Variants in KCNQ5 observed in about 807,000 individuals in gnomAD.
KCNQ5 encodes potassium voltage-gated channel subfamily KQT member 5.
Under a neutral mutation model 98.2 loss-of-function variants are expected in KCNQ5, and 30 were observed. The observed-to-expected ratio is 0.31, with a 90% CI of 0.23 to 0.41. The LOEUF is 0.41. KCNQ5 is among the 10% of genes least tolerant of loss of function. The probability of loss-of-function intolerance (pLI) is 1.00; values close to 1 mark genes in which losing one functional copy is unlikely to be tolerated. For missense variants in KCNQ5, 835 were observed against 1,182.5 expected (o/e 0.71, Z 4.31); for synonymous variants, 458 against 449.4 (o/e 1.02, Z -0.24).
chr6:72,931,818 G>C (rs745860645), intron 1 of KCNQ5, among the ~76,000 whole-genome samples: 1 of 152,132 alleles, frequency 6.6e-6, no homozygotes, highest in Non-Finnish European at 1.5e-5. Flanking sequence ...ATTGGAGGAC[G>C]ATTCTCTGGA....
rs1490574330 is a variant in KCNQ5 at position 73,198,658 on chromosome 6, T to C, written c.*3244T>C. ...TGGTTGTGTTTTTGTAAGAGAAACTTAATCTAATCTAATAATGTGCATTTA... is the reference window on the plus strand; with the variant it reads ...TGGTTGTGTTTTTGTAAGAGAAACTCAATCTAATCTAATAATGTGCATTTA... On this transcript the variant is annotated 3_prime_UTR_variant, in exon 14 of 14. Transcript: ENST00000370398. 1.3e-5 allele frequency: 2 copies of C among 152,234 alleles called. No individual in the cohort carries two copies. Among genetic ancestry groups the C allele is most frequent in the African/African-American group, 4.8e-5 (2 of 41,460 alleles). 9.4% of individuals were successfully genotyped at this position (152,234 alleles called of 1,614,324 possible).
chr6:72,888,613 T>C (rs1035144218), intron 1 of KCNQ5, among the ~76,000 whole-genome samples: 3 of 152,156 alleles, frequency 2.0e-5, no homozygotes, highest in Non-Finnish European at 2.9e-5. Flanking sequence ...GGTCTCAGAA[T>C]TGGGGGACCA....
chr6:73,090,762 C>T lies in KCNQ5; in HGVS notation c.918+12875C>T, dbSNP rs145296209. On this transcript the variant is annotated intron_variant, in intron 5 of 13. Transcript: ENST00000370398. ...GTCATCAAAGAAATGCAAGTCAAAACCACAATGAGATACCATCTCAAGCCA... is the reference window on the plus strand; with the variant it reads ...GTCATCAAAGAAATGCAAGTCAAAATCACAATGAGATACCATCTCAAGCCA... Among the ~76,000 whole-genome samples, 219 of 152,256 alleles carry T rather than the reference C, an allele frequency of 1.4e-3. 1 individual carries two copies. Among genetic ancestry groups the T allele is most frequent in the South Asian group, 2.9e-3 (14 of 4,826 alleles).
intron 1 of KCNQ5, among the ~76,000 whole-genome samples, chr6:72,788,048 T>C (rs1349966175): frequency 1.3e-5 from 2 of 152,216 alleles, no homozygotes; most frequent in African/African-American, 2.4e-5. Context: ...GGTATCTGCA[T>C]TTCCAGCCTG....
rs746933723 is a variant in KCNQ5 at position 72,622,657 on chromosome 6, C to G, written c.398+70C>G. The G allele has an allele frequency of 4.2e-5, 65 of 1,560,724 alleles. No individual in the cohort carries two copies. The highest frequency in any genetic ancestry group is 5.4e-5 in the Non-Finnish European group (62 of 1,149,636). On this transcript the variant is annotated intron_variant, in intron 1 of 13. Coordinates refer to ENST00000370398, the MANE Select transcript of KCNQ5 (RefSeq NM_019842.4). This position sits in a 1 kb window ranked among gnomAD's most constrained non-coding sequence, Gnocchi z 6.0. Reference sequence around the variant, plus strand: ...GTCCCTGGCCCCCTGGGGCGTGCTCCGCGCTCGCGCCCTTGGGCCCCCGCG... The same window carrying G: ...GTCCCTGGCCCCCTGGGGCGTGCTCGGCGCTCGCGCCCTTGGGCCCCCGCG...
intron 5 of KCNQ5, among the ~76,000 whole-genome samples, chr6:73,104,659 C>T (rs1384457034): frequency 6.6e-6 from 1 of 152,150 alleles, no homozygotes; most frequent in South Asian, 2.1e-4. Context: ...GCTCCCTCAA[C>T]ACCTCAAGCT....
At chr6:72,755,076 T>C (rs902890141) in intron 1 of KCNQ5, among the ~76,000 whole-genome samples, 2 of 152,038 alleles carry the variant, frequency 1.3e-5, no homozygotes, top group Non-Finnish European at 2.9e-5. Flanking sequence ...GACCTCTTTA[T>C]TATTATGTAA....
intron 1 of KCNQ5, among the ~76,000 whole-genome samples, chr6:72,652,082 C>T (rs1291036762): frequency 6.6e-6 from 1 of 151,892 alleles, no homozygotes; most frequent in Non-Finnish European, 1.5e-5. Flanking sequence ...CTTACACTCA[C>T]TTTAAAAAAT....
chr6:72,628,461 A>C (rs1365712175), intron 1 of KCNQ5, among the ~76,000 whole-genome samples: 1 of 152,174 alleles, frequency 6.6e-6, no homozygotes, highest in African/African-American at 2.4e-5. Flanking sequence ...AAAGAGAAAG[A>C]GTATTTGGAA....
intron 1 of KCNQ5, among the ~76,000 whole-genome samples, chr6:72,943,674 CAGTT>C (rs1444260661): frequency 2.6e-5 from 4 of 152,214 alleles, no homozygotes; most frequent in Admixed American, 1.3e-4. Context: ...AAAAGGTACT[CAGTT>C]AGACTACCTA....
intron 1 of KCNQ5, among the ~76,000 whole-genome samples, chr6:72,804,198 T>G (rs1774828866): frequency 6.6e-6 from 1 of 152,110 alleles, no homozygotes; most frequent in Non-Finnish European, 1.5e-5. Context: ...TTCATTATTT[T>G]TAAATATCCA....
intron 1 of KCNQ5, among the ~76,000 whole-genome samples, chr6:72,783,061 G>A (rs1042904554): frequency 6.6e-6 from 1 of 152,128 alleles, no homozygotes; most frequent in African/African-American, 2.4e-5. Flanking sequence ...GTAATGTCGG[G>A]AAGGAGTTAG....
At chr6:73,019,038 T>C (rs763256823) in intron 2 of KCNQ5, among the ~76,000 whole-genome samples, 7 of 152,132 alleles carry the variant, frequency 4.6e-5, no homozygotes, top group Non-Finnish European at 1.0e-4. Context: ...CATCACCACA[T>C]TGTATGCAAA....
chr6:72,843,591 G>A (rs780850946), intron 1 of KCNQ5, among the ~76,000 whole-genome samples: 5 of 152,118 alleles, frequency 3.3e-5, no homozygotes, highest in Non-Finnish European at 5.9e-5. Context: ...CCATTTTCAC[G>A]ATATTGATTC....
chr6:72,984,751 G>C (rs1768672413), intron 1 of KCNQ5, among the ~76,000 whole-genome samples: 1 of 152,192 alleles, frequency 6.6e-6, no homozygotes, highest in African/African-American at 2.4e-5. Context: ...AGATGAACCA[G>C]GTACCTCAGT....
intron 1 of KCNQ5, among the ~76,000 whole-genome samples, chr6:72,859,665 C>T (rs185272327): frequency 3.5e-4 from 54 of 152,132 alleles, no homozygotes; most frequent in African/African-American, 8.4e-4. Context: ...ATGGCAGCCT[C>T]GACCTCCCCA....
At chr6:73,005,321 G>A (rs1426339619) in intron 2 of KCNQ5, among the ~76,000 whole-genome samples, 1 of 152,226 alleles carries the variant, frequency 6.6e-6, no homozygotes, top group Non-Finnish European at 1.5e-5. Flanking sequence ...AAGGGCTAAG[G>A]TATAGCTGGC....
intron 1 of KCNQ5, among the ~76,000 whole-genome samples, chr6:72,868,046 C>G (rs1778062557): frequency 6.6e-6 from 1 of 152,062 alleles, no homozygotes; most frequent in Non-Finnish European, 1.5e-5. Context: ...TTCCAAGGAA[C>G]AGACCAGGGC....
At chr6:72,966,600 A>G (rs1767627234) in intron 1 of KCNQ5, among the ~76,000 whole-genome samples, 1 of 152,070 alleles carries the variant, frequency 6.6e-6, no homozygotes, top group Admixed American at 6.6e-5. Context: ...GAGAGAGAAA[A>G]AAAAGAAAAG....
Sources: allele counts gnomAD v4.1 joint callset (sites outside exome capture counted in the v4.1 genomes callset), GRCh38; gene constraint gnomAD v4.1.1; non-coding constraint Gnocchi (gnomAD v3.1); transcripts MANE v1.5; gene names NCBI Gene and HGNC (gene_info 2026-07-23, HGNC 2026-07-21).